TTK: variants seen among roughly 807,000 people sequenced by gnomAD.
TTK encodes TTK protein kinase, also known as dual specificity protein kinase TTK.
TTK carries 59 observed loss-of-function variants against 117.3 expected under a neutral mutation model. The ratio of observed to expected loss-of-function variants is 0.50; its 90% CI spans 0.41 to 0.62. The LOEUF (loss-of-function observed/expected upper bound fraction) is 0.62. Among genes scored for constraint, TTK ranks in the 20% least tolerant of loss-of-function variants. TTK has a pLI of 0.00. For synonymous variants in TTK, 302 were observed against 325.0 expected, an observed-to-expected ratio of 0.93 and a Z score of 0.76; for missense variants, 921 against 989.4, an observed-to-expected ratio of 0.93 and a Z score of 0.93.
Position 80,042,250 on chromosome 6 carries a change from C to A in TTK, c.*48C>A. The A allele has an allele frequency of 7.1e-7, 1 of 1,399,016 alleles. No individual in the cohort carries two copies. The highest frequency in any genetic ancestry group is 9.9e-7 in the Non-Finnish European group (1 of 1,007,244). The allele number at this position is 1,399,016 out of a possible 1,614,324, so 86.7% of individuals were successfully genotyped here. A position where few individuals can be genotyped will look rare whatever the true frequency, so the allele number is the denominator to read the frequency against. Reference sequence around the variant, plus strand: ...GATACCACCTATAAAATATATTGGACTGTTATACTCTTGAATCCCTGTGGA... The same window carrying A: ...GATACCACCTATAAAATATATTGGAATGTTATACTCTTGAATCCCTGTGGA... On this transcript the variant is annotated 3_prime_UTR_variant, in exon 22 of 22. Transcript: ENST00000369798.
chr6:80,042,215 C>A lies in TTK; in HGVS notation c.*13C>A, dbSNP rs375736146. 1 of 1,573,002 alleles carries A rather than the reference C, an allele frequency of 6.4e-7. No individual in the cohort carries two copies. The highest frequency in any genetic ancestry group is 1.4e-5 in the African/African-American group (1 of 73,898). On this transcript the variant is annotated 3_prime_UTR_variant, in exon 22 of 22. Transcript: ENST00000369798. The stretch of plus-strand genomic sequence containing the variant: ...GGGAAAAAAATGATTTGCAGTTATT[C>A]GTAATGTCAGATACCACCTATAAAA...
In TTK at chr6:80,011,498, C is replaced by T; in HGVS notation, c.678C>T (p.Asn226=). Residue 226 remains asparagine, a synonymous_variant, in exon 6 of 22, where the codon AAC becomes AAT. Coordinates refer to ENST00000369798, the MANE Select transcript of TTK (RefSeq NM_003318.5). The part of the protein sequence containing the change: ...SGSLGHLQNR[N]NSCDSRGQTT... ...CACTTGGGCATTTACAGAATAGGAACAACAGTTGTGATTCCAGAGGACAGA... is the reference window on the plus strand; with the variant it reads ...CACTTGGGCATTTACAGAATAGGAATAACAGTTGTGATTCCAGAGGACAGA... The T allele has an allele frequency of 1.2e-6, 2 of 1,610,476 alleles. No individual in the cohort carries two copies. The highest frequency in any genetic ancestry group is 1.7e-6 in the Non-Finnish European group (2 of 1,178,518).
At chr6:80,009,571 A>G (rs887394959) in intron 4 of TTK, among the ~76,000 whole-genome samples, 6 of 152,078 alleles carry the variant, frequency 3.9e-5, no homozygotes, top group African/African-American at 1.4e-4. Flanking sequence ...CTCAATAACA[A>G]CCATAAATTT....
In TTK at chr6:80,017,388, C is replaced by T. The variant is rs193089735; in HGVS notation, c.1108+2802C>T. Among the ~76,000 whole-genome samples, 7 of 152,326 alleles carry T rather than the reference C, an allele frequency of 4.6e-5. No homozygotes were observed. The East Asian group carries it at 1.4e-3, about 29-fold the overall frequency. ...CGCCTCCTGGGCACAAGTGATCCTT[C>T]TACCTCAGCCTCCTAAGTAGCTGGG... is the stretch of plus-strand genomic sequence containing the variant. On this transcript the variant is annotated intron_variant, in intron 10 of 21. Transcript: ENST00000369798.
intron 13 of TTK, among the ~76,000 whole-genome samples, chr6:80,030,904 G>A (rs957167227): frequency 5.3e-5 from 8 of 151,888 alleles, no homozygotes; most frequent in South Asian, 4.2e-4. Flanking sequence ...AGATATAGCC[G>A]GATGGTAGTG....
At chr6:80,027,548 T>C (rs952457991) in intron 12 of TTK, among the ~76,000 whole-genome samples, 1 of 152,228 alleles carries the variant, frequency 6.6e-6, no homozygotes, top group Admixed American at 6.5e-5. Context: ...TAGAACATTA[T>C]TGTTTAAAAA....
At chr6:80,038,073 A>G in intron 18 of TTK, 26 bp downstream of exon 18, 4 of 1,517,824 alleles carry the variant, frequency 2.6e-6, no homozygotes, top group Non-Finnish European at 3.6e-6. Context: ...TTTACATCAC[A>G]ATTATCTGGC....
Position 80,040,642 on chromosome 6 carries a change from A to AAT in TTK, c.2432_2433dup (p.Val812MetfsTer9). On this transcript the variant is annotated frameshift_variant, in exon 21 of 22. Coordinates refer to ENST00000369798, the MANE Select transcript of TTK (RefSeq NM_003318.5). LOFTEE classifies it high-confidence loss of function. ...GCCAAGGGAACCACTGAAGAAATGA[A>AAT]ATATGTTCTGGGCCAACTTGTTGGT... 1 of 1,611,980 alleles carries AAT rather than the reference A, an allele frequency of 6.2e-7. No individual in the cohort carries two copies. The highest frequency in any genetic ancestry group is 8.5e-7 in the Non-Finnish European group (1 of 1,178,630).
chr6:80,011,328 A>G (rs239558), intron 5 of TTK, 106 bp from the exon 6 acceptor site: 412,574 of 697,994 alleles, frequency 0.59, 123,856 homozygotes, highest in Admixed American at 0.74. Context: ...CTTGGGGACA[A>G]GTATTTCCTA....
chr6:80,005,443 A>G (rs1462831863), intron 1 of TTK, among the ~76,000 whole-genome samples: 1 of 152,212 alleles, frequency 6.6e-6, no homozygotes, highest in East Asian at 1.9e-4. Flanking sequence ...CAGGCGAATA[A>G]AGGAATTGTT....
chr6:80,007,720 C>A, intron 2 of TTK, 89 bp from the exon 3 acceptor site: 1 of 1,072,080 alleles, frequency 9.3e-7, no homozygotes, highest in Non-Finnish European at 1.3e-6. Flanking sequence ...ACTGACAGTA[C>A]AAATGTTTGA....
intron 14 of TTK, among the ~76,000 whole-genome samples, chr6:80,034,189 T>G (rs1187098841): frequency 2.0e-5 from 3 of 152,188 alleles, no homozygotes; most frequent in Admixed American, 6.6e-5. Flanking sequence ...TTTGCCTGTT[T>G]CAGAGTTTAG....
At chr6:80,026,306 A>G in intron 11 of TTK, 72 bp from the exon 12 acceptor site, 3 of 1,472,502 alleles carry the variant, frequency 2.0e-6, no homozygotes, top group Middle Eastern at 2.5e-4. Flanking sequence ...TAAAAGTTAT[A>G]ATATTTGTAA....
intron 3 of TTK, 70 bp downstream of exon 3, chr6:80,008,101 A>G: frequency 1.3e-6 from 2 of 1,491,116 alleles, no homozygotes; most frequent in East Asian, 2.3e-5. Flanking sequence ...AAGAGAGAAA[A>G]TAAAAAACAT....
rs933075076 is a variant in TTK, at chr6:80,007,927, A to G, written c.258A>G (p.Lys86=). ...SVPLSDALLN[K]LIGRYSQAIE... ...CGCTAAGTGATGCTCTTTTAAATAA[A>G]TTGATTGGTCGTTACAGTCAAGCAA... The change falls in exon 3 of 22, where the codon AAA becomes AAG. Residue 86 remains lysine, a synonymous_variant. Transcript: ENST00000369798. 2 of 1,613,680 alleles carry G rather than the reference A, an allele frequency of 1.2e-6. No homozygotes were observed. Among genetic ancestry groups the G allele is most frequent in the African/African-American group, 1.3e-5 (1 of 75,024 alleles).
At chr6:80,008,597 ACATTAAAGTT>A in intron 4 of TTK, 105 bp downstream of exon 4, 1 of 1,010,940 alleles carries the variant, frequency 9.9e-7, no homozygotes, top group Non-Finnish European at 1.4e-6. Context: ...GAGGCAAAAG[ACATTAAAGTT>A]GATCAGATGA....
chr6:80,017,396 GCCT>G (rs1767336521), intron 10 of TTK, among the ~76,000 whole-genome samples: 1 of 152,132 alleles, frequency 6.6e-6, no homozygotes. Flanking sequence ...TTCTACCTCA[GCCT>G]CCTAAGTAGC....
intron 8 of TTK, 34 bp downstream of exon 8, chr6:80,012,014 C>G: frequency 6.4e-7 from 1 of 1,553,512 alleles, no homozygotes; most frequent in Non-Finnish European, 8.7e-7. Context: ...AATTTGTTGT[C>G]CGTATGGGAA....
At chr6:80,023,889 G>T (rs1463487277) in intron 11 of TTK, among the ~76,000 whole-genome samples, 1 of 152,188 alleles carries the variant, frequency 6.6e-6, no homozygotes, top group African/African-American at 2.4e-5. Context: ...TTAAGTAGTA[G>T]ATGTAGATAA....
Sources: allele counts gnomAD v4.1 joint callset (sites outside exome capture counted in the v4.1 genomes callset), GRCh38; gene constraint gnomAD v4.1.1; transcripts MANE v1.5; gene names NCBI Gene and HGNC (gene_info 2026-07-23, HGNC 2026-07-21).